The following PPP2R2B variants were observed in gnomAD, a reference collection of about 807,000 sequenced individuals.
PPP2R2B encodes serine/threonine-protein phosphatase 2A 55 kDa regulatory subunit B beta isoform.
In PPP2R2B, 5 loss-of-function variants were observed where a neutral mutation model predicts 46.0. The ratio of observed to expected loss-of-function variants is 0.11; its 90% CI spans 0.06 to 0.23. The LOEUF (loss-of-function observed/expected upper bound fraction) is 0.23, where lower values mean the gene tolerates loss of function less well. Among genes scored for constraint, PPP2R2B ranks in the 10% least tolerant of loss-of-function variants. The pLI is 1.00. For synonymous variants in PPP2R2B, 215 were observed against 206.7 expected (o/e 1.04, Z -0.34); for missense variants, 367 against 575.0 (o/e 0.64, Z 3.70).
intron 1 of PPP2R2B, among the ~76,000 whole-genome samples, chr5:147,002,872 T>G (rs1561569115): frequency 6.6e-6 from 1 of 152,122 alleles, no homozygotes; most frequent in South Asian, 2.1e-4. Flanking sequence ...TGGTTTTGTC[T>G]TTCAGATGGG....
At chr5:146,615,682 A>T (rs1773104009) in intron 7 of PPP2R2B, among the ~76,000 whole-genome samples, 1 of 152,070 alleles carries the variant, frequency 6.6e-6, no homozygotes, top group Non-Finnish European at 1.5e-5. Flanking sequence ...TAACTTACTT[A>T]CCCAGAGAAG....
rs562813513 is a variant in PPP2R2B at position 147,036,858 on chromosome 5, T to A, written c.79+18807A>T. 8.7e-4 allele frequency among the ~76,000 whole-genome samples: 133 copies of A among 152,320 alleles called. 1 individual carries two copies. Among genetic ancestry groups the A allele is most frequent in the Middle Eastern group, 3.4e-3 (1 of 294 alleles). On this transcript the variant is annotated intron_variant, in intron 1 of 8. Coordinates refer to the PPP2R2B transcript ENST00000336640. Reference sequence around the variant, plus strand: ...AGTAATGGCTTAATTTGTGTCTAGATTAGCCAGTGATGGTTGCAATGGAGA... The same window carrying A: ...AGTAATGGCTTAATTTGTGTCTAGAATAGCCAGTGATGGTTGCAATGGAGA...
intron 1 of PPP2R2B, among the ~76,000 whole-genome samples, chr5:146,955,336 G>T (rs1751836793): frequency 1.3e-5 from 2 of 152,140 alleles, no homozygotes; most frequent in South Asian, 4.1e-4. Flanking sequence ...TTAGGTCTGG[G>T]TGTGGGCCTG....
At chr5:147,054,547 G>A in intron 1 of PPP2R2B, 5 of 454,432 alleles carry the variant, frequency 1.1e-5, no homozygotes, top group South Asian at 7.8e-5. Flanking sequence ...TCAATTCAAG[G>A]GTGATCCCAA....
intron 5 of PPP2R2B, among the ~76,000 whole-genome samples, chr5:146,673,816 T>G (rs456629): frequency 0.94 from 143,270 of 152,246 alleles, 67,779 homozygotes; most frequent in East Asian, 1. Flanking sequence ...GCATTAGAGG[T>G]TGAACTCACT....
intron 2 of PPP2R2B, among the ~76,000 whole-genome samples, chr5:146,749,649 G>A (rs1317225761): frequency 3.1e-5 from 4 of 129,216 alleles, no homozygotes; most frequent in Admixed American, 9.6e-5. Context: ...TCAGTCTGTC[G>A]CCCAGGCTGG....
At chr5:146,779,210 T>C (rs1391544114) in intron 2 of PPP2R2B, among the ~76,000 whole-genome samples, 1 of 152,200 alleles carries the variant, frequency 6.6e-6, no homozygotes, top group African/African-American at 2.4e-5. Flanking sequence ...ACAGTGACAC[T>C]TGAGTCTCTT....
chr5:146,770,516 G>GA (rs1737334658), intron 2 of PPP2R2B, among the ~76,000 whole-genome samples: 1 of 151,926 alleles, frequency 6.6e-6, no homozygotes, highest in Non-Finnish European at 1.5e-5. Context: ...AATGTATTGG[G>GA]AAAATGTATT....
At chr5:146,812,232 T>C (rs1343636796) in intron 2 of PPP2R2B, among the ~76,000 whole-genome samples, 4 of 151,720 alleles carry the variant, frequency 2.6e-5, no homozygotes, top group South Asian at 2.1e-4. Context: ...AATCCAAATA[T>C]ATGTGAAACA....
intron 2 of PPP2R2B, among the ~76,000 whole-genome samples, chr5:146,724,148 G>A (rs1751698519): frequency 6.6e-6 from 1 of 152,126 alleles, no homozygotes; most frequent in Non-Finnish European, 1.5e-5. Context: ...AAGGCAGGTT[G>A]TCTATGTCCT....
intron 2 of PPP2R2B, among the ~76,000 whole-genome samples, chr5:146,763,131 A>G (rs1308736897): frequency 6.6e-6 from 1 of 152,228 alleles, no homozygotes; most frequent in East Asian, 1.9e-4. Context: ...ACGCACAGTT[A>G]AAACATCAGC....
intron 1 of PPP2R2B, among the ~76,000 whole-genome samples, chr5:146,977,146 G>A (rs749796815): frequency 5.9e-5 from 9 of 151,986 alleles, no homozygotes; most frequent in Non-Finnish European, 1.3e-4. Flanking sequence ...CCTTAAAAAT[G>A]GTCATCATTT....
chr5:146,714,994 T>C (rs1179586508), intron 2 of PPP2R2B, among the ~76,000 whole-genome samples: 1 of 152,216 alleles, frequency 6.6e-6, no homozygotes, highest in African/African-American at 2.4e-5. Flanking sequence ...ATATACACTT[T>C]AAAGTGATGA....
chr5:146,847,446 C>T lies in PPP2R2B; in HGVS notation c.70+30556G>A, dbSNP rs538878658. ...TACAGAACCCACATCCATTACTCTC[C>T]TTTTATCTGGTCAACTTCTACTCTA... On this transcript the variant is annotated intron_variant, in intron 2 of 9. Transcript: ENST00000394411. Among the ~76,000 whole-genome samples, 151 of 152,254 alleles carry T rather than the reference C, an allele frequency of 9.9e-4. 1 individual carries two copies. The highest frequency in any genetic ancestry group is 3.4e-3 in the African/African-American group (142 of 41,544).
At chr5:146,768,157 T>C (rs906112320) in intron 2 of PPP2R2B, among the ~76,000 whole-genome samples, 30 of 152,010 alleles carry the variant, frequency 2.0e-4, no homozygotes, top group Non-Finnish European at 8.8e-5. Context: ...CACTACAGTC[T>C]CCACCTCCCA....
At position 146,664,396 on chromosome 5, in the gene PPP2R2B, T is replaced by C. The variant is rs1424995188; in HGVS notation, c.448-13672A>G. Among the ~76,000 whole-genome samples the C allele has an allele frequency of 2.0e-5, 3 of 152,114 alleles. No individual in the cohort carries two copies. The East Asian group carries it at 5.8e-4, about 29-fold the overall frequency. ...AAGATTCACAGCATCTTCATCAGAG[T>C]AGATCCCACCTCAATAAACCACTCT... On this transcript the variant is annotated intron_variant, in intron 5 of 9. Transcript: ENST00000394411.
At chr5:146,916,265 A>C (rs1763380059) in intron 1 of PPP2R2B, among the ~76,000 whole-genome samples, 1 of 150,988 alleles carries the variant, frequency 6.6e-6, no homozygotes, top group Non-Finnish European at 1.5e-5. Context: ...AGTGAAAAAA[A>C]AGAAAATTCT....
At chr5:146,807,053 C>T (rs1397955604) in intron 2 of PPP2R2B, among the ~76,000 whole-genome samples, 1 of 152,142 alleles carries the variant, frequency 6.6e-6, no homozygotes, top group African/African-American at 2.4e-5. Context: ...GACTAGGAGC[C>T]TTTGGGAGAC....
At chr5:146,860,973 T>TA (rs1361939273) in intron 2 of PPP2R2B, among the ~76,000 whole-genome samples, 1 of 151,814 alleles carries the variant, frequency 6.6e-6, no homozygotes, top group Non-Finnish European at 1.5e-5. Context: ...TGACAGACCT[T>TA]AAAAAGGATT....
Sources: allele counts gnomAD v4.1 joint callset (sites outside exome capture counted in the v4.1 genomes callset), GRCh38; gene constraint gnomAD v4.1.1; transcripts MANE v1.5; gene names NCBI Gene and HGNC (gene_info 2026-07-23, HGNC 2026-07-21).